The following PLXNB1 variants were observed in gnomAD, a reference collection of about 807,000 sequenced individuals.
The protein encoded by PLXNB1 is plexin B1, also known as plexin-B1.
PLXNB1 carries 106 observed loss-of-function variants against 209.4 expected under a neutral mutation model. That is an observed-to-expected ratio of 0.51 (90% CI 0.43 to 0.59). PLXNB1 has a LOEUF of 0.59. Ranked by LOEUF, PLXNB1 falls within the 20% of genes least tolerant of loss-of-function variation. The pLI is 0.00. For missense variants in PLXNB1, 2,357 were observed against 2,853.2 expected (o/e 0.83, Z 3.96); for synonymous variants, 1,167 against 1,183.2 (o/e 0.99, Z 0.28).
rs752484036 is a variant in PLXNB1, at chr3:48,419,268, T to C, written c.2808A>G (p.Leu936=). 16 of 1,592,008 alleles carry C rather than the reference T, an allele frequency of 1.0e-5. No homozygotes were observed. Among genetic ancestry groups the C allele is most frequent in the Non-Finnish European group, 1.4e-5 (16 of 1,166,322 alleles). The change falls in exon 12 of 38, where the codon CTA becomes CTG. Residue 936 remains leucine, a synonymous_variant. Transcript: ENST00000296440. The surrounding 1 kb of genome is among the most constrained non-coding windows in gnomAD (Gnocchi z 5.7). ...PVHVEREIRL[L]GRNLHLFQDG... is the part of the protein sequence containing the mutation. ...CCTGGAAAAGGTGCAGGTTCCTGCC[T>C]AGCAGCCGGATTTCCCGCTCCACAT...
Position 48,424,244 on chromosome 3 carries a change from C to A in PLXNB1, c.368G>T (p.Arg123Leu). Residue 123 changes from arginine to leucine, a missense_variant, in exon 3 of 38, where the codon CGC becomes CTC. Coordinates refer to ENST00000296440, the MANE Select transcript of PLXNB1 (RefSeq NM_001130082.3). ...CAGCAGCTGCTCGAGCTGCCCCAGGCGCCGCTGTTCACAGACCCCCTGGTG... is the reference window on the plus strand; with the variant it reads ...CAGCAGCTGCTCGAGCTGCCCCAGGAGCCGCTGTTCACAGACCCCCTGGTG... ...SVHQGVCEQR[R>L]LGQLEQLLLR... 6 of 1,601,756 alleles carry A rather than the reference C, an allele frequency of 3.7e-6. No homozygotes were observed. Among genetic ancestry groups the A allele is most frequent in the African/African-American group, 1.3e-5 (1 of 74,804 alleles).
rs1216691959 is a variant in PLXNB1 at position 48,422,164 on chromosome 3, G to C, written c.1461C>G (p.Asp487Glu). ...VPVASCAQHLDCASCLAHRDP... is the reference protein window; with the variant it reads ...VPVASCAQHLECASCLAHRDP... Reference sequence around the variant, plus strand: ...CCCTGTGAGCAAGGCAAGATGCACAGTCCAGGTGCTGAGCACAGGAAGCCA... The same window carrying C: ...CCCTGTGAGCAAGGCAAGATGCACACTCCAGGTGCTGAGCACAGGAAGCCA... Residue 487 changes from aspartate (D) to glutamate (E), a missense_variant, in exon 6 of 38, where the codon GAC (aspartate) becomes GAG (glutamate). Physicochemically the swap from Asp to Glu is conservative, Grantham distance 45. Around this residue, in one of 7 missense-constraint regions of PLXNB1, gnomAD observed 214 missense variants for 297.1 expected, o/e 0.72. Coordinates refer to ENST00000296440, the MANE Select transcript of PLXNB1 (RefSeq NM_001130082.3). 6.2e-7 allele frequency: 1 copy of C among 1,614,170 alleles called. No individual in the cohort carries two copies. Among genetic ancestry groups the C allele is most frequent in the East Asian group, 2.2e-5 (1 of 44,882 alleles).
chr3:48,424,036 G>C lies in PLXNB1; in HGVS notation c.576C>G (p.Pro192=), dbSNP rs753213469. 35 of 1,603,154 alleles carry C rather than the reference G, an allele frequency of 2.2e-5. No individual in the cohort carries two copies. The highest frequency in any genetic ancestry group is 4.4e-5 in the South Asian group (4 of 90,174). ...PPITTRALWP[P]DPQAAFSYEE... is the part of the protein sequence containing the mutation. ...CATAGGAGAAGGCAGCTTGGGGGTC[G>C]GGCGGCCACAGGGCCCGGGTTGTGA... The change falls in exon 3 of 38, where the codon CCC becomes CCG. Residue 192 remains proline, a synonymous_variant. Coordinates refer to ENST00000296440, the MANE Select transcript of PLXNB1 (RefSeq NM_001130082.3).
chr3:48,419,984 G>A lies in PLXNB1; in HGVS notation c.2302C>T (p.Pro768Ser), dbSNP rs746171195. The change falls in exon 11 of 38, where the codon CCT (proline) becomes TCT (serine). Residue 768 changes from proline to serine, a missense_variant. Pro to Ser is a moderately conservative substitution (Grantham distance 74). Around this residue, in one of 7 missense-constraint regions of PLXNB1, gnomAD observed 410 missense variants for 401.0 expected, o/e 1.02. Coordinates refer to ENST00000296440, the MANE Select transcript of PLXNB1 (RefSeq NM_001130082.3). The surrounding 1 kb of genome is among the most constrained non-coding windows in gnomAD (Gnocchi z 5.7). Reference sequence around the variant, plus strand: ...GTGGGGGCAGGGACAGCGGTTCCAGGTCCATTTTGGGGGCTGGGAGGGGAG... The same window carrying A: ...GTGGGGGCAGGGACAGCGGTTCCAGATCCATTTTGGGGGCTGGGAGGGGAG... Reference protein sequence around the residue: ...EPSPPSPQNGPGTAVPAPTDF... With the variant: ...EPSPPSPQNGSGTAVPAPTDF... 2.1e-5 allele frequency: 33 copies of A among 1,594,488 alleles called. No individual in the cohort carries two copies. The Admixed American group carries it at 5.1e-4, about 25-fold the overall frequency.
Position 48,414,718 on chromosome 3 carries a change from G to C in PLXNB1, c.4209+81C>G, listed in dbSNP as rs138992799. On this transcript the variant is annotated intron_variant, in intron 21 of 37. Transcript: ENST00000296440. ...CCACCGGCCCTTGCTCTACTGTCTC[G>C]GCCTCTCCGCCACACACAGCAGTGC... 9 of 1,527,864 alleles carry C rather than the reference G, an allele frequency of 5.9e-6. No homozygotes were observed. In the East Asian group the frequency reaches 9.1e-5, roughly 15 times the overall value. 94.6% of individuals were successfully genotyped at this position (1,527,864 alleles called of 1,614,324 possible). A position where few individuals can be genotyped will look rare whatever the true frequency, so the allele number is the denominator to read the frequency against.
At chr3:48,428,346 G>A (rs556200628) in intron 1 of PLXNB1, among the ~76,000 whole-genome samples, 3 of 152,146 alleles carry the variant, frequency 2.0e-5, no homozygotes, top group South Asian at 4.1e-4. Flanking sequence ...GCCCTGCTCA[G>A]ACTCACAGCC....
chr3:48,415,589 A>G lies in PLXNB1; in HGVS notation c.3788T>C (p.Phe1263Ser). ...CACACCCCTGGCCCAACACCTGAGG[A>G]AGCTCTTGGTGGGGCCAGCAGAGGT... Reference protein sequence around the residue: ...NITSAGPTKSFLSGGREICVR... With the variant: ...NITSAGPTKSSLSGGREICVR... The change falls in exon 19 of 38, where the codon TTC becomes TCC. Residue 1263 changes from phenylalanine (F) to serine (S), a missense_variant. By Grantham distance (155) the Phe-to-Ser change is radical. This residue lies in a region of PLXNB1 where 743 missense variants were observed against 896.2 expected (regional missense o/e 0.83). Transcript: ENST00000296440. The surrounding 1 kb of genome is among the most constrained non-coding windows in gnomAD (Gnocchi z 5.0). The G allele has an allele frequency of 6.3e-7, 1 of 1,576,298 alleles. No homozygotes were observed. The highest frequency in any genetic ancestry group is 8.6e-7 in the Non-Finnish European group (1 of 1,159,324).
intron 6 of PLXNB1, 77 bp downstream of exon 6, chr3:48,422,028 A>C (rs78970339): frequency 2.1e-6 from 3 of 1,403,236 alleles, no homozygotes; most frequent in Non-Finnish European, 3.0e-6. Context: ...TCTAAGGGTC[A>C]GGAATTCTGG....
rs2037171100 is a variant in PLXNB1, at chr3:48,404,136, T to C, written c.*350A>G. 4.4e-6 allele frequency: 1 copy of C among 226,794 alleles called. No homozygotes were observed. The highest frequency in any genetic ancestry group is 2.3e-5 in the African/African-American group (1 of 44,100). The allele number at this position is 226,794 out of a possible 1,614,324, so 14.0% of individuals were successfully genotyped here. On this transcript the variant is annotated 3_prime_UTR_variant, in exon 38 of 38. Coordinates refer to ENST00000296440, the MANE Select transcript of PLXNB1 (RefSeq NM_001130082.3). ...GGGGCTCTCCTCCTTCCTCTCCGAA[T>C]CCCAGTGTGGCCAAGGCCAGTGTTC...
chr3:48,425,758 C>T (rs574920068), intron 1 of PLXNB1, among the ~76,000 whole-genome samples: 1 of 152,212 alleles, frequency 6.6e-6, no homozygotes, highest in South Asian at 2.1e-4. Flanking sequence ...CAGGCAGTCG[C>T]ACAGCAAGAT....
rs775938512 is a variant in PLXNB1 at position 48,422,348 on chromosome 3, C to A, written c.1402G>T (p.Val468Phe). 6.2e-7 allele frequency: 1 copy of A among 1,610,648 alleles called. No individual in the cohort carries two copies. The highest frequency in any genetic ancestry group is 8.5e-7 in the Non-Finnish European group (1 of 1,178,252). The change falls in exon 5 of 38, where the codon GTC becomes TTC. Residue 468 changes from valine to phenylalanine, a missense_variant. This residue lies in a region of PLXNB1 where 214 missense variants were observed against 297.1 expected (regional missense o/e 0.72). Coordinates refer to ENST00000296440, the MANE Select transcript of PLXNB1 (RefSeq NM_001130082.3). ...TFDGTFEHLY[V>F]MTQSTLLKVP... is the part of the protein sequence containing the mutation. ...GCACTCACTGTGCTCTGGGTCATGA[C>A]ATACAGGTGCTCAAAGGTCCCATCA... is the stretch of plus-strand genomic sequence containing the variant.
chr3:48,417,978 G>A lies in PLXNB1; in HGVS notation c.3307C>T (p.Leu1103=). The A allele has an allele frequency of 6.2e-7, 1 of 1,613,526 alleles. No homozygotes were observed. Among genetic ancestry groups the A allele is most frequent in the African/African-American group, 1.3e-5 (1 of 75,070 alleles). Reference sequence around the variant, plus strand: ...ACTCCAGCCACCGTGACCATGCCCAGCACATCCTGCACATGCTGGCCCAGG... The same window carrying A: ...ACTCCAGCCACCGTGACCATGCCCAACACATCCTGCACATGCTGGCCCAGG... ...SNLGQHVQDV[L]GMVTVAGVPC... Residue 1103 remains leucine, a synonymous_variant, in exon 16 of 38, where the codon CTG becomes TTG. Transcript: ENST00000296440. This position sits in a 1 kb window ranked among gnomAD's most constrained non-coding sequence, Gnocchi z 4.4.
Position 48,420,219 on chromosome 3 carries a change from T to C in PLXNB1, c.2067A>G (p.Gly689=). The C allele has an allele frequency of 1.3e-6, 2 of 1,553,418 alleles. No homozygotes were observed. The highest frequency in any genetic ancestry group is 1.7e-6 in the Non-Finnish European group (2 of 1,148,964). Reference sequence around the variant, plus strand: ...GGGCTGTGGGTGGGGAGGGGCTGGGTCCACCTCTTGCAGGAGGGTCTGGGG... The same window carrying C: ...GGGCTGTGGGTGGGGAGGGGCTGGGCCCACCTCTTGCAGGAGGGTCTGGGG... ...LVSPDPPARG[G]PSPSPPTAPK... Residue 689 remains glycine (G), a synonymous_variant, in exon 11 of 38, where the codon GGA becomes GGG. Coordinates refer to ENST00000296440, the MANE Select transcript of PLXNB1 (RefSeq NM_001130082.3).
Position 48,404,021 on chromosome 3 carries a change from AACTCTTAG to A in PLXNB1, c.*457_*464del, listed in dbSNP as rs1024247418. The A allele has an allele frequency of 3.8e-5, 6 of 157,856 alleles. No individual in the cohort carries two copies. The highest frequency in any genetic ancestry group is 1.4e-4 in the African/African-American group (6 of 41,574). The allele number at this position is 157,856 out of a possible 1,614,324, so 9.8% of individuals were successfully genotyped here. On this transcript the variant is annotated 3_prime_UTR_variant, in exon 38 of 38. Transcript: ENST00000296440. Reference sequence around the variant, plus strand: ...TTGTAGTGGCCTAGGAGAGGCGTTCAACTCTTAGACCTAGGATGTGGCAGCAGCAACAA... The same window carrying A: ...TTGTAGTGGCCTAGGAGAGGCGTTCAACCTAGGATGTGGCAGCAGCAACAA...
At chr3:48,404,754 G>A (rs1341196116) in intron 37 of PLXNB1, among the ~76,000 whole-genome samples, 164 bp from the exon 38 acceptor site, 4 of 152,176 alleles carry the variant, frequency 2.6e-5, no homozygotes, top group Non-Finnish European at 5.9e-5. Flanking sequence ...CTCGCTGGCG[G>A]GAGGGGTAAT....
In PLXNB1 at chr3:48,411,022, T is replaced by C; in HGVS notation, c.5262A>G (p.Leu1754=). ...VEYRPLTLNA[L]LAVGPGAGEA... is the part of the protein sequence containing the mutation. Reference sequence around the variant, plus strand: ...CTCCTGCCCCAGGCCCCACAGCCAATAGTGCATTCAAGGTCTGTGCAGGAC... The same window carrying C: ...CTCCTGCCCCAGGCCCCACAGCCAACAGTGCATTCAAGGTCTGTGCAGGAC... The change falls in exon 29 of 38, where the codon CTA becomes CTG. Residue 1754 remains leucine (L), a synonymous_variant. Transcript: ENST00000296440. The surrounding 1 kb of genome is among the most constrained non-coding windows in gnomAD (Gnocchi z 4.0). The C allele has an allele frequency of 1.2e-6, 2 of 1,613,422 alleles. No individual in the cohort carries two copies. The highest frequency in any genetic ancestry group is 1.7e-6 in the Non-Finnish European group (2 of 1,179,810).
At position 48,419,836 on chromosome 3, in the gene PLXNB1, T is replaced by A. The variant is rs750458595; in HGVS notation, c.2450A>T (p.Asp817Val). ...PEALHPTVPL[D>V]LPPATVPATT... ...GGCAGGAACAGTGGCAGGGGGCAGG[T>A]CCAGGGGCACTGTGGGATGAAGAGC... The change falls in exon 11 of 38, where the codon GAC (aspartate) becomes GTC (valine). Residue 817 changes from aspartate (D) to valine (V), a missense_variant. Physicochemically the swap from Asp to Val is radical, Grantham distance 152. Coordinates refer to ENST00000296440, the MANE Select transcript of PLXNB1 (RefSeq NM_001130082.3). This position sits in a 1 kb window ranked among gnomAD's most constrained non-coding sequence, Gnocchi z 5.7. 3 of 1,576,644 alleles carry A rather than the reference T, an allele frequency of 1.9e-6. No homozygotes were observed. Among genetic ancestry groups the A allele is most frequent in the Non-Finnish European group, 1.7e-6 (2 of 1,159,936 alleles).
chr3:48,414,691 A>G, intron 21 of PLXNB1, 108 bp downstream of exon 21: 1 of 1,366,744 alleles, frequency 7.3e-7, no homozygotes, highest in Non-Finnish European at 1.0e-6. Context: ...AGCCATGTCC[A>G]TCCACCGGCC....
chr3:48,414,575 A>C (rs2037942179), intron 21 of PLXNB1, among the ~76,000 whole-genome samples: 1 of 152,200 alleles, frequency 6.6e-6, no homozygotes, highest in Admixed American at 6.5e-5. Context: ...CCTGCCATGG[A>C]GTGCATCAGG....
Sources: gnomAD v4.1 joint callset for allele counts (sites outside exome capture counted in the v4.1 genomes callset) on GRCh38, gnomAD v4.1.1 for gene constraint, gnomAD v4.1.1 regional missense constraint, Gnocchi (gnomAD v3.1) non-coding constraint, MANE v1.5 for transcripts, NCBI Gene and HGNC (gene_info 2026-07-23, HGNC 2026-07-21) for gene names.